MTFR1: variants seen among roughly 807,000 people sequenced by gnomAD.
MTFR1 encodes the protein mitochondrial fission regulator 1.
Under a neutral mutation model 38.8 loss-of-function variants are expected in MTFR1, and 28 were observed. The ratio of observed to expected loss-of-function variants is 0.72; its 90% confidence interval spans 0.53 to 0.99. The LOEUF (loss-of-function observed/expected upper bound fraction) is 0.99, where lower values mean the gene tolerates loss of function less well. Among genes scored for constraint, MTFR1 ranks in the 50% least tolerant of loss-of-function variants. The pLI, the probability that MTFR1 is intolerant of heterozygous loss-of-function variation, is 0.00. For missense variants in MTFR1, 358 were observed against 395.5 expected (o/e 0.91, Z 0.81); for synonymous variants, 145 against 137.0 (o/e 1.06, Z -0.41).
chr8:65,664,579 C>A (rs76612507), intron 1 of MTFR1, among the ~76,000 whole-genome samples: 129 of 148,828 alleles, frequency 8.7e-4, no homozygotes, highest in Non-Finnish European at 1.3e-3. Flanking sequence ...GGTTATACCT[C>A]AATTTAAATA....
chr8:65,730,167 ACTTC>A (rs1806797738), intron 3 of MTFR1, among the ~76,000 whole-genome samples: 1 of 29,172 alleles, frequency 3.4e-5, no homozygotes, highest in East Asian at 4.9e-4. Context: ...CAGGTTGCGC[ACTTC>A]TTTTTTTTTT....
intron 3 of MTFR1, among the ~76,000 whole-genome samples, chr8:65,738,881 G>A (rs1807269520): frequency 6.6e-6 from 1 of 152,208 alleles, no homozygotes; most frequent in African/African-American, 2.4e-5. Context: ...AGCAATCTGT[G>A]GCCAATGTAA....
At chr8:65,731,340 T>G (rs1415824630) in intron 3 of MTFR1, among the ~76,000 whole-genome samples, 1 of 152,204 alleles carries the variant, frequency 6.6e-6, no homozygotes, top group Non-Finnish European at 1.5e-5. Flanking sequence ...CAGGCTCTTT[T>G]GTCAACTGCC....
At chr8:65,743,989 C>T (rs1196667284) in intron 3 of MTFR1, among the ~76,000 whole-genome samples, 1 of 152,178 alleles carries the variant, frequency 6.6e-6, no homozygotes, top group African/African-American at 2.4e-5. Flanking sequence ...TGAACCACCA[C>T]ACCCAGCCAA....
Position 65,705,283 on chromosome 8 carries a change from C to T in MTFR1, c.517+354C>T, listed in dbSNP as rs117106936. On this transcript the variant is annotated intron_variant, in intron 5 of 7. Transcript: ENST00000262146. ...AGAACCAAGTGAGCCAAGATCATGCCACTGCACTCCGGCCTGGCGACAGAG... is the reference window on the plus strand; with the variant it reads ...AGAACCAAGTGAGCCAAGATCATGCTACTGCACTCCGGCCTGGCGACAGAG... 3.9e-5 allele frequency among the ~76,000 whole-genome samples: 6 copies of T among 152,292 alleles called. No homozygotes were observed. In the East Asian group the frequency reaches 1.2e-3, roughly 29 times the overall value.
intron 3 of MTFR1, chr8:65,725,568 A>G (rs1480314781): frequency 2.0e-5 from 3 of 153,292 alleles, no homozygotes; most frequent in African/African-American, 7.2e-5. Context: ...ACTGCCTCAG[A>G]TCAATTAACA....
intron 3 of MTFR1, among the ~76,000 whole-genome samples, chr8:65,755,188 T>A (rs1291135206): frequency 6.6e-6 from 1 of 151,608 alleles, no homozygotes; most frequent in Non-Finnish European, 1.5e-5. Flanking sequence ...GCCCGGCTAA[T>A]TTTTATATCT....
chr8:65,689,188 T>C (rs771851960), intron 3 of MTFR1, among the ~76,000 whole-genome samples: 48 of 152,202 alleles, frequency 3.2e-4, no homozygotes, highest in African/African-American at 7.0e-4. Context: ...TGCATTTGGC[T>C]ATAAACAAAT....
At chr8:65,647,498 C>G (rs1040909311) in intron 1 of MTFR1, among the ~76,000 whole-genome samples, 1 of 152,132 alleles carries the variant, frequency 6.6e-6, no homozygotes. Flanking sequence ...TTAGTAGAGA[C>G]AGAGTTTCAC....
intron 4 of MTFR1, among the ~76,000 whole-genome samples, chr8:65,702,262 G>C (rs1284296671): frequency 7.1e-6 from 1 of 141,812 alleles, no homozygotes; most frequent in East Asian, 2.0e-4. Flanking sequence ...AAGACTGTTA[G>C]TTTTCTTTTC....
intron 3 of MTFR1, among the ~76,000 whole-genome samples, chr8:65,758,467 A>G (rs1808341328): frequency 6.6e-6 from 1 of 152,172 alleles, no homozygotes; most frequent in South Asian, 2.1e-4. Context: ...ATTTATAGTC[A>G]TATCAGCATC....
At chr8:65,771,560 CA>C (rs1427868035), downstream of MTFR1, among the ~76,000 whole-genome samples, 1 of 152,078 alleles carries the variant, frequency 6.6e-6, no homozygotes, top group African/African-American at 2.4e-5. Flanking sequence ...GAGGATGGAT[CA>C]AAGAACAGAT....
At chr8:65,724,409 A>G in intron 3 of MTFR1, 1 of 1,151,426 alleles carries the variant, frequency 8.7e-7, no homozygotes, top group Non-Finnish European at 1.3e-6. Flanking sequence ...CAATAATACC[A>G]AAGAACCAAG....
chr8:65,751,419 G>C (rs1807948655), intron 3 of MTFR1, among the ~76,000 whole-genome samples: 1 of 151,652 alleles, frequency 6.6e-6, no homozygotes, highest in Admixed American at 6.6e-5. Context: ...CCACTCTCAA[G>C]CCCTACCCCA....
At chr8:65,704,517 G>GTAAC (rs2076135529) in intron 4 of MTFR1, among the ~76,000 whole-genome samples, 177 bp from the exon 5 acceptor site, 2 of 152,220 alleles carry the variant, frequency 1.3e-5, no homozygotes, top group African/African-American at 4.8e-5. Flanking sequence ...GCTGTGGTAT[G>GTAAC]TAACTACATA....
the MTFR1 span, among the ~76,000 whole-genome samples, chr8:65,776,956 C>T: frequency 9.9e-5 from 15 of 152,028 alleles, no homozygotes; most frequent in South Asian, 1.7e-3. Context: ...TTTAATATTG[C>T]GCATTAAATA....
At chr8:65,662,034 TC>T (rs1809434276) in intron 1 of MTFR1, among the ~76,000 whole-genome samples, 1 of 51,360 alleles carries the variant, frequency 1.9e-5, no homozygotes, top group Non-Finnish European at 4.8e-5. Flanking sequence ...TCTCTCTCCC[TC>T]TCTCTCCCTC....
intron 2 of MTFR1, among the ~76,000 whole-genome samples, chr8:65,677,068 CTTTTTTTTTTT>C (rs1166560010): frequency 3.0e-5 from 3 of 100,108 alleles, no homozygotes; most frequent in African/African-American, 4.6e-5. Context: ...CTATTTCTCT[CTTTTTTTTTTT>C]TTTTTTTTTT....
intron 3 of MTFR1, among the ~76,000 whole-genome samples, chr8:65,721,149 C>T (rs1011177062): frequency 2.0e-5 from 3 of 152,174 alleles, no homozygotes; most frequent in African/African-American, 7.2e-5. Flanking sequence ...ATTAGTACCT[C>T]GAACACAGCT....
Sources: gnomAD v4.1 joint callset for allele counts (sites outside exome capture counted in the v4.1 genomes callset) on GRCh38, gnomAD v4.1.1 for gene constraint, MANE v1.5 for transcripts, NCBI Gene and HGNC (gene_info 2026-07-23, HGNC 2026-07-21) for gene names.